TBC1D1: variants seen among roughly 807,000 people sequenced by gnomAD.
TBC1D1 encodes TBC1 (tre-2/USP6, BUB2, cdc16) domain family, member 1.
A neutral mutation model predicts 125.6 loss-of-function variants in TBC1D1; 89 were observed. The observed-to-expected ratio is 0.71, with a 90% CI of 0.60 to 0.85. TBC1D1 has a LOEUF of 0.85. TBC1D1 is among the 40% of genes least tolerant of loss of function. The probability of loss-of-function intolerance (pLI) is 0.00; values close to 1 mark genes in which losing one functional copy is unlikely to be tolerated. For missense variants in TBC1D1, 1,377 were observed against 1,469.2 expected (o/e 0.94, Z 1.03); for synonymous variants, 565 against 564.1 (o/e 1.00, Z -0.02).
intron 1 of TBC1D1, among the ~76,000 whole-genome samples, chr4:37,900,644 A>C (rs540891413): frequency 6.6e-6 from 1 of 152,264 alleles, no homozygotes; most frequent in East Asian, 1.9e-4. Context: ...TGGATACAGG[A>C]GAGACTGAAG....
At chr4:38,048,847 T>C (rs1749955226) in intron 10 of TBC1D1, among the ~76,000 whole-genome samples, 1 of 152,198 alleles carries the variant, frequency 6.6e-6, no homozygotes, top group Admixed American at 6.5e-5. Flanking sequence ...AAAGCGTGCA[T>C]CGTGAAGGCA....
At chr4:37,999,793 G>A (rs1244902795) in intron 2 of TBC1D1, among the ~76,000 whole-genome samples, 1 of 152,188 alleles carries the variant, frequency 6.6e-6, no homozygotes, top group African/African-American at 2.4e-5. Context: ...TATTTATTGG[G>A]TATGCTTTTC....
Position 38,021,623 on chromosome 4 carries a change from C to T in TBC1D1, c.1115C>T (p.Thr372Met), listed in dbSNP as rs776166552. 5.5e-5 allele frequency: 87 copies of T among 1,588,130 alleles called. No individual in the cohort carries two copies. The highest frequency in any genetic ancestry group is 6.8e-5 in the African/African-American group (5 of 73,620). The change falls in exon 6 of 20, where the codon ACG becomes ATG. Residue 372 changes from threonine (T) to methionine (M), a missense_variant. Physicochemically the swap from Thr to Met is moderately conservative, Grantham distance 81. Transcript: ENST00000261439. ...ATGATGACCCTGAAACAGGCCTTCACGGTGGCCGCAGTGCAGCAGACAGCT... is the reference window on the plus strand; with the variant it reads ...ATGATGACCCTGAAACAGGCCTTCATGGTGGCCGCAGTGCAGCAGACAGCT...
chr4:37,922,624 A>T (rs946049240), intron 2 of TBC1D1, among the ~76,000 whole-genome samples: 2 of 152,130 alleles, frequency 1.3e-5, no homozygotes, highest in African/African-American at 4.8e-5. Context: ...GCTTATTCTC[A>T]GTTCTTTTTC....
rs1027452346 is a variant in TBC1D1 at position 38,057,181 on chromosome 4, T to C, written c.2050+2843T>C. 4.6e-5 allele frequency among the ~76,000 whole-genome samples: 7 copies of C among 152,300 alleles called. No homozygotes were observed. In the East Asian group the frequency reaches 1.2e-3, roughly 25 times the overall value. On this transcript the variant is annotated intron_variant, in intron 12 of 19. Coordinates refer to ENST00000261439, the MANE Select transcript of TBC1D1 (RefSeq NM_015173.4). The stretch of plus-strand genomic sequence containing the variant: ...AGCGCTAGGCAGAGATCACCATCCA[T>C]GTCCACCTTTCCTCTGATGCAGGTT...
At chr4:38,081,192 G>A (rs1426148170) in intron 12 of TBC1D1, among the ~76,000 whole-genome samples, 1 of 152,026 alleles carries the variant, frequency 6.6e-6, no homozygotes, top group Non-Finnish European at 1.5e-5. Context: ...CAGGCTCCCT[G>A]GCCTCCTGCT....
At chr4:38,053,332 C>A in intron 11 of TBC1D1, 107 bp downstream of exon 13, 1 of 979,312 alleles carries the variant, frequency 1.0e-6, no homozygotes, top group Non-Finnish European at 1.3e-6. Flanking sequence ...AAAATCATTT[C>A]AGCTAAATCT....
intron 12 of TBC1D1, among the ~76,000 whole-genome samples, chr4:38,057,543 T>A (rs1323301998): frequency 1.3e-5 from 2 of 152,222 alleles, no homozygotes; most frequent in African/African-American, 4.8e-5. Context: ...TAGGCACATA[T>A]TATTTCTTAT....
At chr4:38,078,801 C>T (rs79193167) in intron 12 of TBC1D1, among the ~76,000 whole-genome samples, 5,252 of 152,290 alleles carry the variant, frequency 0.034, 234 homozygotes, top group African/African-American at 0.1. Context: ...GCAGCCCGAG[C>T]TCCATTCTCC....
intron 2 of TBC1D1, among the ~76,000 whole-genome samples, chr4:37,937,522 C>T (rs1410248725): frequency 6.6e-6 from 1 of 152,148 alleles, no homozygotes; most frequent in African/African-American, 2.4e-5. Flanking sequence ...TGTTCTTACA[C>T]ACTTCTTCAA....
At chr4:37,935,106 G>A (rs1378419170) in intron 2 of TBC1D1, among the ~76,000 whole-genome samples, 1 of 152,176 alleles carries the variant, frequency 6.6e-6, no homozygotes, top group African/African-American at 2.4e-5. Context: ...TTATGGCCAA[G>A]CCTGACATTA....
intron 13 of TBC1D1, among the ~76,000 whole-genome samples, chr4:38,094,723 T>C (rs1404604064): frequency 6.6e-6 from 1 of 151,842 alleles, no homozygotes; most frequent in Non-Finnish European, 1.5e-5. Context: ...CCAGACGTGC[T>C]TGTAGCAGCC....
At chr4:37,904,697 A>G (rs1716928043) in intron 2 of TBC1D1, among the ~76,000 whole-genome samples, 7 of 152,228 alleles carry the variant, frequency 4.6e-5, no homozygotes, top group Admixed American at 4.6e-4. Context: ...TTCTTAAGTG[A>G]TTTTTGGCTT....
intron 16 of TBC1D1, among the ~76,000 whole-genome samples, chr4:38,116,991 A>G (rs1469234169): frequency 1.3e-5 from 2 of 152,264 alleles, no homozygotes; most frequent in African/African-American, 2.4e-5. Context: ...TTTTGACCAC[A>G]TAACACTTTC....
chr4:38,006,910 G>C, intron 2 of TBC1D1: 1 of 468,860 alleles, frequency 2.1e-6, no homozygotes, highest in South Asian at 1.6e-5. Flanking sequence ...CAAGAAACCA[G>C]AGTGTTCCCA....
chr4:37,891,943 G>A (rs960668113), intron 1 of TBC1D1, among the ~76,000 whole-genome samples: 2 of 151,744 alleles, frequency 1.3e-5, no homozygotes, highest in Non-Finnish European at 2.9e-5. Flanking sequence ...TTTCAGAGAG[G>A]TATCATTTCG....
Position 38,027,829 on chromosome 4 carries a change from C to A in TBC1D1, c.1252C>A (p.Leu418Met), listed in dbSNP as rs1745357277. Residue 418 changes from leucine to methionine, a missense_variant, in exon 7 of 20, where the codon CTG becomes ATG. Transcript: ENST00000261439. Reference sequence around the variant, plus strand: ...AACAAAACTAGAACTGCAAAAGCACCTGACGACATTAACCAATCAGGAGCA... The same window carrying A: ...AACAAAACTAGAACTGCAAAAGCACATGACGACATTAACCAATCAGGAGCA... 1 of 1,613,538 alleles carries A rather than the reference C, an allele frequency of 6.2e-7. No homozygotes were observed. The highest frequency in any genetic ancestry group is 8.5e-7 in the Non-Finnish European group (1 of 1,179,840).
At chr4:38,055,271 G>A (rs1340363622) in intron 12 of TBC1D1, among the ~76,000 whole-genome samples, 4 of 152,124 alleles carry the variant, frequency 2.6e-5, no homozygotes, top group African/African-American at 9.7e-5. Context: ...TGTCTGACGA[G>A]CTACCCGCTG....
At chr4:38,003,481 C>CT (rs1739462011) in intron 2 of TBC1D1, among the ~76,000 whole-genome samples, 2 of 152,126 alleles carry the variant, frequency 1.3e-5, no homozygotes, top group Non-Finnish European at 2.9e-5. Flanking sequence ...TATCTATTGC[C>CT]TGCTGATATT....
Sources: allele counts gnomAD v4.1 joint callset (sites outside exome capture counted in the v4.1 genomes callset), GRCh38; gene constraint gnomAD v4.1.1; transcripts MANE v1.5; gene names NCBI Gene and HGNC (gene_info 2026-07-23, HGNC 2026-07-21).